The following NKAIN2 variants were observed in gnomAD, a reference collection of about 807,000 sequenced individuals.
NKAIN2 encodes the protein sodium/potassium-transporting ATPase subunit beta-1-interacting protein 2.
NKAIN2 carries 14 observed loss-of-function variants against 32.6 expected under a neutral mutation model. That is an observed-to-expected ratio of 0.43 (90% CI 0.28 to 0.67). The LOEUF (loss-of-function observed/expected upper bound fraction) is 0.67, where lower values mean the gene tolerates loss of function less well. Among genes scored for constraint, NKAIN2 ranks in the 30% least tolerant of loss-of-function variants. The pLI, the probability that NKAIN2 is intolerant of heterozygous loss-of-function variation, is 0.17. For synonymous variants in NKAIN2, 80 were observed against 87.2 expected (o/e 0.92, Z 0.46); for missense variants, 198 against 258.3 (o/e 0.77, Z 1.60).
At chr6:124,022,467 C>T (rs1780910710) in intron 1 of NKAIN2, among the ~76,000 whole-genome samples, 1 of 152,064 alleles carries the variant, frequency 6.6e-6, no homozygotes, top group Non-Finnish European at 1.5e-5. Context: ...GAGGAATTGC[C>T]ACACTGTCTT....
intron 1 of NKAIN2, among the ~76,000 whole-genome samples, chr6:123,941,679 T>C (rs928824268): frequency 3.3e-5 from 5 of 152,004 alleles, no homozygotes; most frequent in East Asian, 1.9e-4. Flanking sequence ...TCATCTGCCC[T>C]GCTGTTACAT....
At chr6:124,211,881 T>A (rs909125117) in intron 1 of NKAIN2, among the ~76,000 whole-genome samples, 2 of 152,060 alleles carry the variant, frequency 1.3e-5, no homozygotes, top group African/African-American at 4.8e-5. Flanking sequence ...CATTTCCAAA[T>A]AATGATTGGA....
intron 1 of NKAIN2, among the ~76,000 whole-genome samples, chr6:123,831,518 T>C (rs1366163650): frequency 6.6e-6 from 1 of 151,844 alleles, no homozygotes; most frequent in Non-Finnish European, 1.5e-5. Flanking sequence ...TAATTATTTT[T>C]ATTAAAGACT....
intron 3 of NKAIN2, among the ~76,000 whole-genome samples, chr6:124,542,004 T>A (rs1003737238): frequency 5.9e-5 from 9 of 152,182 alleles, no homozygotes; most frequent in African/African-American, 1.9e-4. Flanking sequence ...AACTACCATA[T>A]ATTTAGCAAC....
chr6:123,898,364 G>A (rs1774384434), intron 1 of NKAIN2, among the ~76,000 whole-genome samples: 1 of 151,982 alleles, frequency 6.6e-6, no homozygotes, highest in Non-Finnish European at 1.5e-5. Flanking sequence ...TCTGGTTTAG[G>A]ATTTTCTGCA....
chr6:124,511,872 G>C (rs1292954758), intron 3 of NKAIN2, among the ~76,000 whole-genome samples: 1 of 152,104 alleles, frequency 6.6e-6, no homozygotes, highest in Non-Finnish European at 1.5e-5. Flanking sequence ...GAGGTGAATA[G>C]TCATTTGCTC....
chr6:124,338,808 A>G (rs1401968549), intron 2 of NKAIN2, among the ~76,000 whole-genome samples: 3 of 152,230 alleles, frequency 2.0e-5, no homozygotes, highest in African/African-American at 4.8e-5. Context: ...TTTAAAGATT[A>G]GCAATGGACT....
intron 1 of NKAIN2, among the ~76,000 whole-genome samples, chr6:124,134,958 C>T (rs1786662148): frequency 6.6e-6 from 1 of 152,040 alleles, no homozygotes; most frequent in South Asian, 2.1e-4. Flanking sequence ...AGGCAGAAGT[C>T]CTAAAGTCCA....
chr6:123,945,397 G>T (rs1193471730), intron 1 of NKAIN2, among the ~76,000 whole-genome samples: 2 of 152,100 alleles, frequency 1.3e-5, no homozygotes, highest in Non-Finnish European at 2.9e-5. Context: ...CTGTGACTGT[G>T]TGGTAAAATT....
intron 1 of NKAIN2, among the ~76,000 whole-genome samples, chr6:124,017,808 C>T (rs983446016): frequency 3.9e-5 from 6 of 152,126 alleles, no homozygotes; most frequent in African/African-American, 1.4e-4. Context: ...TTTTCCCAGC[C>T]TGGCATTTAG....
At chr6:124,165,681 C>T (rs1429454553) in intron 1 of NKAIN2, among the ~76,000 whole-genome samples, 1 of 142,756 alleles carries the variant, frequency 7.0e-6, no homozygotes, top group East Asian at 2.1e-4. Flanking sequence ...CCTACCCCAC[C>T]ACAGTCCCCA....
chr6:124,039,844 G>T (rs1781785060), intron 1 of NKAIN2, among the ~76,000 whole-genome samples: 1 of 151,774 alleles, frequency 6.6e-6, no homozygotes, highest in Non-Finnish European at 1.5e-5. Flanking sequence ...TGGTTGCGGT[G>T]ACTATTGGTT....
At chr6:124,193,255 T>C (rs909097702) in intron 1 of NKAIN2, among the ~76,000 whole-genome samples, 1 of 152,186 alleles carries the variant, frequency 6.6e-6, no homozygotes, top group African/African-American at 2.4e-5. Flanking sequence ...CAGTTCGCAC[T>C]ACCAGCCGGG....
intron 1 of NKAIN2, among the ~76,000 whole-genome samples, chr6:124,254,502 T>C (rs1375715098): frequency 1.3e-5 from 2 of 150,806 alleles, no homozygotes; most frequent in Non-Finnish European, 3.0e-5. Flanking sequence ...TCTTTTCCAC[T>C]TGTGTTGGGT....
intron 1 of NKAIN2, among the ~76,000 whole-genome samples, chr6:124,141,569 C>T (rs1156612249): frequency 6.6e-6 from 1 of 151,922 alleles, no homozygotes; most frequent in East Asian, 1.9e-4. Context: ...ACGGTCAGTT[C>T]ATATTCTATT....
At chr6:124,709,932 A>G (rs1359519350) in intron 4 of NKAIN2, among the ~76,000 whole-genome samples, 3 of 151,898 alleles carry the variant, frequency 2.0e-5, no homozygotes, top group East Asian at 3.9e-4. Flanking sequence ...TAGGGTGTCA[A>G]TTTTGGATCT....
At chr6:124,700,172 C>CT (rs1410445972) in intron 4 of NKAIN2, among the ~76,000 whole-genome samples, 3 of 152,084 alleles carry the variant, frequency 2.0e-5, no homozygotes, top group African/African-American at 7.2e-5. Flanking sequence ...GTGAGTGACT[C>CT]TAATTATTGT....
intron 1 of NKAIN2, among the ~76,000 whole-genome samples, chr6:123,876,816 A>G (rs1773192342): frequency 6.6e-6 from 1 of 152,226 alleles, no homozygotes; most frequent in East Asian, 1.9e-4. Flanking sequence ...TTTTCTGGAA[A>G]GATTCTCATA....
intron 3 of NKAIN2, among the ~76,000 whole-genome samples, chr6:124,364,250 A>AAAAAGAGAT (rs3054409): frequency 7.2e-6 from 1 of 139,738 alleles, no homozygotes; most frequent in Non-Finnish European, 1.5e-5. Context: ...AAAAAAAAAA[A>AAAAAGAGAT]AGAGAGAAAA....
Sources: allele counts gnomAD v4.1 joint callset (sites outside exome capture counted in the v4.1 genomes callset), GRCh38; gene constraint gnomAD v4.1.1; transcripts MANE v1.5; gene names NCBI Gene and HGNC (gene_info 2026-07-23, HGNC 2026-07-21).